ZFP82: variants seen among roughly 807,000 people sequenced by gnomAD.
The protein encoded by ZFP82 is zinc finger protein 82 homolog.
ZFP82 carries 30 observed loss-of-function variants against 54.0 expected under a neutral mutation model. The observed-to-expected ratio is 0.56, with a 90% CI of 0.42 to 0.75. The LOEUF is 0.75. Ranked by LOEUF, ZFP82 falls within the 30% of genes least tolerant of loss-of-function variation. ZFP82 has a pLI of 0.00. For synonymous variants in ZFP82, 194 were observed against 209.5 expected, an observed-to-expected ratio of 0.93 and a Z score of 0.64; for missense variants, 500 against 636.8, an observed-to-expected ratio of 0.79 and a Z score of 2.31.
Position 36,392,769 on chromosome 19 carries a change from T to C in ZFP82, c.1571A>G (p.His524Arg). The C allele has an allele frequency of 6.4e-6, 10 of 1,568,202 alleles. No individual in the cohort carries two copies. The highest frequency in any genetic ancestry group is 8.6e-6 in the Non-Finnish European group (10 of 1,162,362). ...GATTTTTACATTATGAATTTTCAGA[T>C]GATGAGTAAGGTGTGAATGTTGCCT... ...AFRQHSHLTH[H>R]LKIHNVKI is the part of the protein sequence containing the mutation. Residue 524 changes from histidine to arginine, a missense_variant, in exon 5 of 5, where the codon CAT becomes CGT. His to Arg is a conservative substitution (Grantham distance 29). Coordinates refer to ENST00000392161, the MANE Select transcript of ZFP82 (RefSeq NM_133466.4).
At chr19:36,407,805 A>G in intron 3 of ZFP82, 82 bp downstream of exon 3, 1 of 1,485,130 alleles carries the variant, frequency 6.7e-7, no homozygotes, top group Non-Finnish European at 9.1e-7. Flanking sequence ...ATAGCTTCCT[A>G]AAAGATACTC....
intron 2 of ZFP82, among the ~76,000 whole-genome samples, chr19:36,408,839 G>A (rs941982758): frequency 1.8e-4 from 28 of 151,794 alleles, no homozygotes; most frequent in African/African-American, 5.6e-4. Context: ...AACAAAAATT[G>A]GTTATATAAT....
chr19:36,416,129 G>A (rs1046870024), intron 1 of ZFP82, among the ~76,000 whole-genome samples: 2 of 152,070 alleles, frequency 1.3e-5, no homozygotes, highest in African/African-American at 2.4e-5. Context: ...AGACAACATC[G>A]ATCACAAGCT....
At chr19:36,412,960 G>T (rs2032604935) in intron 1 of ZFP82, among the ~76,000 whole-genome samples, 1 of 152,100 alleles carries the variant, frequency 6.6e-6, no homozygotes, top group East Asian at 1.9e-4. Flanking sequence ...TGTCATTTTG[G>T]TCACTGTATT....
rs1191229207 is a variant in ZFP82 at position 36,392,579 on chromosome 19, T to C, written c.*162A>G. The C allele has an allele frequency of 5.1e-6, 3 of 585,994 alleles. No homozygotes were observed. In the African/African-American group the frequency reaches 5.6e-5, roughly 11 times the overall value. The allele number at this position is 585,994 out of a possible 1,614,324, so 36.3% of individuals were successfully genotyped here. A position where few individuals can be genotyped will look rare whatever the true frequency, so the allele number is the denominator to read the frequency against. On this transcript the variant is annotated 3_prime_UTR_variant, in exon 5 of 5. Transcript: ENST00000392161. ...ACAGGATTAGTTTTTAGAACAAATA[T>C]GCTGAAGTTTCAGGTTTGAGTGATG...
chr19:36,398,382 C>CA (rs1449991455), intron 4 of ZFP82, among the ~76,000 whole-genome samples: 1 of 152,000 alleles, frequency 6.6e-6, no homozygotes, highest in East Asian at 1.9e-4. Context: ...ATTAAAAATA[C>CA]AAAAGTTAGC....
rs2032254304 is a variant in ZFP82, at chr19:36,394,071, T to C, written c.269A>G (p.Glu90Gly). 6.2e-7 allele frequency: 1 copy of C among 1,610,768 alleles called. No homozygotes were observed. Among genetic ancestry groups the C allele is most frequent in the Non-Finnish European group, 8.5e-7 (1 of 1,179,308 alleles). Residue 90 changes from glutamate to glycine, a missense_variant, in exon 5 of 5, where the codon GAA becomes GGA. Transcript: ENST00000392161. ...TKYETKKLSL[E>G]NDIYEINLSQ... ...TAAATTTATTTCATAAATGTCATTT[T>C]CTAAAGATAACTTCTTGGTCTCATA...
chr19:36,402,030 TG>T (rs1223683217), intron 4 of ZFP82, among the ~76,000 whole-genome samples: 1 of 152,234 alleles, frequency 6.6e-6, no homozygotes, highest in Non-Finnish European at 1.5e-5. Context: ...TTGTTTAAGA[TG>T]TCTAACTCTG....
chr19:36,402,913 C>A (rs2032413152), intron 4 of ZFP82, among the ~76,000 whole-genome samples: 1 of 150,738 alleles, frequency 6.6e-6, no homozygotes, highest in African/African-American at 2.4e-5. Flanking sequence ...CTGAGGCGGG[C>A]AGATCACGAG....
At chr19:36,397,235 G>A (rs2032311372) in intron 4 of ZFP82, among the ~76,000 whole-genome samples, 1 of 151,540 alleles carries the variant, frequency 6.6e-6, no homozygotes, top group Non-Finnish European at 1.5e-5. Flanking sequence ...TGGGATTACA[G>A]GCACACACCA....
At chr19:36,405,295 T>C (rs1186975048) in intron 4 of ZFP82, among the ~76,000 whole-genome samples, 3 of 151,632 alleles carry the variant, frequency 2.0e-5, no homozygotes, top group African/African-American at 7.3e-5. Context: ...TCAGCTCCAT[T>C]AAGGAGGAGG....
chr19:36,415,870 G>C (rs922969258), intron 1 of ZFP82, among the ~76,000 whole-genome samples: 1 of 152,096 alleles, frequency 6.6e-6, no homozygotes, highest in Non-Finnish European at 1.5e-5. Flanking sequence ...TCAAAACGAT[G>C]GGCTATTTTC....
Position 36,389,116 on chromosome 19 carries a change from T to A in ZFP82, c.*3625A>T, listed in dbSNP as rs1321525546. On this transcript the variant is annotated 3_prime_UTR_variant, in exon 5 of 5. Coordinates refer to ENST00000392161, the MANE Select transcript of ZFP82 (RefSeq NM_133466.4). ...GTGCAGTGGTGTGATCTCAGCTCAC[T>A]GCAACCTCCGCCTCCTGGGTTCAAG... 6.6e-6 allele frequency among the ~76,000 whole-genome samples: 1 copy of A among 151,778 alleles called. No individual in the cohort carries two copies. Among genetic ancestry groups the A allele is most frequent in the Non-Finnish European group, 1.5e-5 (1 of 67,952 alleles).
intron 3 of ZFP82, among the ~76,000 whole-genome samples, chr19:36,407,327 C>T (rs1321154104): frequency 1.3e-5 from 2 of 152,100 alleles, no homozygotes; most frequent in East Asian, 1.9e-4. Flanking sequence ...CCGCCCGCCT[C>T]GGCCTCCCAA....
At chr19:36,397,294 T>C (rs1179832997) in intron 4 of ZFP82, among the ~76,000 whole-genome samples, 3 of 152,004 alleles carry the variant, frequency 2.0e-5, no homozygotes, top group Admixed American at 1.3e-4. Flanking sequence ...GGTTTCATCA[T>C]GTTGGCCAGG....
Position 36,393,390 on chromosome 19 carries a change from T to G in ZFP82, c.950A>C (p.Lys317Thr). 1 of 1,614,068 alleles carries G rather than the reference T, an allele frequency of 6.2e-7. No homozygotes were observed. The highest frequency in any genetic ancestry group is 2.2e-5 in the East Asian group (1 of 44,862). The change falls in exon 5 of 5, where the codon AAG (lysine) becomes ACG (threonine). Residue 317 changes from lysine to threonine, a missense_variant. Lys to Thr is a moderately conservative substitution (Grantham distance 78). Transcript: ENST00000392161. ...AAGACCAGAGCCACACAAAAAGGCC[T>G]TCCCACATTCTTTGCATTCATAGAG... is the stretch of plus-strand genomic sequence containing the variant. ...DRLYECKECG[K>T]AFLCGSGLRV...
chr19:36,410,740 A>T (rs111763572), intron 1 of ZFP82, among the ~76,000 whole-genome samples: 5,920 of 151,562 alleles, frequency 0.039, 358 homozygotes, highest in African/African-American at 0.14. Flanking sequence ...TGACTTCATG[A>T]TCCGCCCGCC....
In ZFP82 at chr19:36,390,918, G is replaced by GCCA. The variant is rs1461397860; in HGVS notation, c.*1820_*1822dup. On this transcript the variant is annotated 3_prime_UTR_variant, in exon 5 of 5. Transcript: ENST00000392161. ...TGAGTAGCTGGGACTACAGGCGCCT[G>GCCA]CCACCACGCCCGGCGAATTTTTTGT... 2 of 152,260 alleles carry GCCA rather than the reference G, an allele frequency of 1.3e-5. No individual in the cohort carries two copies. Among genetic ancestry groups the GCCA allele is most frequent in the African/African-American group, 4.8e-5 (2 of 41,390 alleles). 9.4% of individuals were successfully genotyped at this position (152,260 alleles called of 1,614,324 possible). A position where few individuals can be genotyped will look rare whatever the true frequency, so the allele number is the denominator to read the frequency against.
At chr19:36,406,326 A>G (rs1298117765) in intron 3 of ZFP82, among the ~76,000 whole-genome samples, 1 of 152,224 alleles carries the variant, frequency 6.6e-6, no homozygotes, top group Non-Finnish European at 1.5e-5. Flanking sequence ...AGAGTTGTGC[A>G]AACGTCACCA....
Sources: allele counts gnomAD v4.1 joint callset (sites outside exome capture counted in the v4.1 genomes callset), GRCh38; gene constraint gnomAD v4.1.1; transcripts MANE v1.5; gene names NCBI Gene and HGNC (gene_info 2026-07-23, HGNC 2026-07-21).